PCSK6: variants seen among roughly 807,000 people sequenced by gnomAD.
PCSK6 encodes paired basic amino acid cleaving enzyme 4.
In PCSK6, 85 loss-of-function variants were observed where a neutral mutation model predicts 123.3. That is an observed-to-expected ratio of 0.69 (90% CI 0.58 to 0.83). The LOEUF is 0.83. PCSK6 is among the 40% of genes least tolerant of loss of function. The pLI, the probability that PCSK6 is intolerant of heterozygous loss-of-function variation, is 0.00. For missense variants in PCSK6, 1,191 were observed against 1,282.3 expected, an observed-to-expected ratio of 0.93 and a Z score of 1.09; for synonymous variants, 508 against 516.0, an observed-to-expected ratio of 0.98 and a Z score of 0.21.
At chr15:101,444,668 T>C (rs1437754865) in intron 1 of PCSK6, among the ~76,000 whole-genome samples, 1 of 152,146 alleles carries the variant, frequency 6.6e-6, no homozygotes, top group Non-Finnish European at 1.5e-5. Flanking sequence ...GACAAGGACA[T>C]TTGACTCATG....
intron 8 of PCSK6, among the ~76,000 whole-genome samples, chr15:101,391,975 T>C (rs538680928): frequency 1.1e-4 from 16 of 152,346 alleles, no homozygotes; most frequent in Admixed American, 1.0e-3. Flanking sequence ...ATGCATGGCA[T>C]ACAGATCACA....
At chr15:101,335,087 G>C (rs2141376693) in intron 13 of PCSK6, among the ~76,000 whole-genome samples, 1 of 152,230 alleles carries the variant, frequency 6.6e-6, no homozygotes, top group South Asian at 2.1e-4. Flanking sequence ...AGCATCCCAA[G>C]TGGCTAGGAC....
chr15:101,458,840 G>T (rs1358366887), intron 1 of PCSK6, among the ~76,000 whole-genome samples: 1 of 152,138 alleles, frequency 6.6e-6, no homozygotes, highest in Non-Finnish European at 1.5e-5. Context: ...GCAGTTTTGG[G>T]TATACCTCTG....
chr15:101,480,080 G>T (rs2057834388), intron 1 of PCSK6, among the ~76,000 whole-genome samples: 3 of 152,244 alleles, frequency 2.0e-5, no homozygotes, highest in African/African-American at 7.2e-5. Flanking sequence ...AGGAACGTGA[G>T]TGATGCCATT....
At chr15:101,346,904 T>C in intron 13 of PCSK6, 1 of 1,231,668 alleles carries the variant, frequency 8.1e-7, no homozygotes, top group Non-Finnish European at 1.0e-6. Flanking sequence ...TAAGTGGGGA[T>C]ACATACTTCT....
chr15:101,327,556 C>A (rs1476273332), intron 15 of PCSK6, among the ~76,000 whole-genome samples: 1 of 152,202 alleles, frequency 6.6e-6, no homozygotes, highest in Non-Finnish European at 1.5e-5. Flanking sequence ...GGAAGAAAAA[C>A]CTCCTCCTCC....
At chr15:101,378,628 T>C (rs554991718) in intron 11 of PCSK6, among the ~76,000 whole-genome samples, 1 of 152,294 alleles carries the variant, frequency 6.6e-6, no homozygotes, top group Admixed American at 6.5e-5. Context: ...CCGTGGTACC[T>C]TGGAGCAGGG....
chr15:101,341,080 T>C (rs2040593842), intron 13 of PCSK6, among the ~76,000 whole-genome samples: 1 of 149,996 alleles, frequency 6.7e-6, no homozygotes, highest in Non-Finnish European at 1.5e-5. Flanking sequence ...GGATTACAGA[T>C]GCCACCACCA....
At chr15:101,312,447 GA>G (rs144417618) in intron 20 of PCSK6, 33,481 of 152,344 alleles carry the variant, frequency 0.22, 8,474 homozygotes, top group African/African-American at 0.62. Context: ...TATGGAGGGT[GA>G]AAATAGATGT....
At chr15:101,477,143 C>T (rs1030655323) in intron 1 of PCSK6, among the ~76,000 whole-genome samples, 7 of 152,152 alleles carry the variant, frequency 4.6e-5, no homozygotes, top group African/African-American at 1.4e-4. Context: ...ACTGAGCAGC[C>T]ATTACAAGTT....
intron 19 of PCSK6, among the ~76,000 whole-genome samples, chr15:101,315,104 G>A (rs2039958230): frequency 6.6e-6 from 1 of 152,210 alleles, no homozygotes; most frequent in Non-Finnish European, 1.5e-5. Context: ...CCTCCCAAGT[G>A]GGAAAGAAAG....
chr15:101,312,641 G>A (rs2039892717), intron 20 of PCSK6, among the ~76,000 whole-genome samples: 1 of 152,158 alleles, frequency 6.6e-6, no homozygotes, highest in African/African-American at 2.4e-5. Context: ...GACCAGCCTG[G>A]CCAACGTGGT....
At chr15:101,411,186 C>T (rs1485989580) in intron 6 of PCSK6, among the ~76,000 whole-genome samples, 1 of 152,142 alleles carries the variant, frequency 6.6e-6, no homozygotes, top group South Asian at 2.1e-4. Context: ...GGCGCGAGGA[C>T]TTCTGAGTGG....
At chr15:101,482,403 C>T (rs2057910741) in intron 1 of PCSK6, among the ~76,000 whole-genome samples, 1 of 152,156 alleles carries the variant, frequency 6.6e-6, no homozygotes, top group Admixed American at 6.5e-5. Context: ...GGCCAGCCAC[C>T]CAGGGCAAGT....
At chr15:101,429,124 C>G (rs1255176278) in intron 5 of PCSK6, among the ~76,000 whole-genome samples, 1 of 152,200 alleles carries the variant, frequency 6.6e-6, no homozygotes, top group African/African-American at 2.4e-5. Context: ...GGAGACGCCC[C>G]TCAGCAAGAG....
chr15:101,393,339 G>A lies in PCSK6; in HGVS notation c.1082C>T (p.Thr361Ile). ...GACGGAGATGGTGTAGATGCTGTTGGTGTAGCCATCGCACGAGCAGTAGTC... is the reference window on the plus strand; with the variant it reads ...GACGGAGATGGTGTAGATGCTGTTGATGTAGCCATCGCACGAGCAGTAGTC... Reference protein sequence around the residue: ...EGDYCSCDGYTNSIYTISVSS... With the variant: ...EGDYCSCDGYINSIYTISVSS... The change falls in exon 8 of 22, where the codon ACC becomes ATC. Residue 361 changes from threonine (T) to isoleucine (I), a missense_variant. Coordinates refer to ENST00000611716, the MANE Select transcript of PCSK6 (RefSeq NM_002570.5). 2 of 1,610,496 alleles carry A rather than the reference G, an allele frequency of 1.2e-6. No individual in the cohort carries two copies. The highest frequency in any genetic ancestry group is 1.7e-6 in the Non-Finnish European group (2 of 1,178,336).
intron 6 of PCSK6, among the ~76,000 whole-genome samples, chr15:101,426,546 G>T (rs1448762666): frequency 6.6e-6 from 1 of 152,204 alleles, no homozygotes; most frequent in East Asian, 1.9e-4. Flanking sequence ...ACGCGCCCTT[G>T]GGGGTTAATT....
intron 7 of PCSK6, among the ~76,000 whole-genome samples, chr15:101,397,219 C>T (rs1290780967): frequency 6.6e-6 from 1 of 152,056 alleles, no homozygotes; most frequent in African/African-American, 2.4e-5. Context: ...CCAAACTCAA[C>T]GCACCCAGGA....
Position 101,439,651 on chromosome 15 carries a change from C to T in PCSK6, c.402+3905G>A, listed in dbSNP as rs148208177. On this transcript the variant is annotated intron_variant, in intron 2 of 21. Transcript: ENST00000611716. ...TTGTTTGCACTTTGAATTGCTCTAG[C>T]ACACAAAACTGTTAGATAAAATTCC... Among the ~76,000 whole-genome samples, 172 of 152,364 alleles carry T rather than the reference C, an allele frequency of 1.1e-3. 1 individual carries two copies. Among genetic ancestry groups the T allele is most frequent in the Non-Finnish European group, 1.6e-3 (106 of 68,046 alleles).
Sources: gnomAD v4.1 joint callset for allele counts (sites outside exome capture counted in the v4.1 genomes callset) on GRCh38, gnomAD v4.1.1 for gene constraint, MANE v1.5 for transcripts, NCBI Gene and HGNC (gene_info 2026-07-23, HGNC 2026-07-21) for gene names.